Variants in DNAJC10 observed in about 807,000 individuals in gnomAD.
DNAJC10 encodes endoplasmic reticulum disulfide reductase DNAJC10.
Under a neutral mutation model 115.0 loss-of-function variants are expected in DNAJC10, and 101 were observed. That is an observed-to-expected ratio of 0.88 (90% CI 0.75 to 1.04). The LOEUF (loss-of-function observed/expected upper bound fraction) is 1.04. Ranked by LOEUF, DNAJC10 falls within the 50% of genes least tolerant of loss-of-function variation. The probability of loss-of-function intolerance (pLI) is 0.00; values close to 1 mark genes in which losing one functional copy is unlikely to be tolerated. For missense variants in DNAJC10, 981 were observed against 928.8 expected (o/e 1.06, Z -0.73); for synonymous variants, 307 against 301.5 (o/e 1.02, Z -0.19).
intron 6 of DNAJC10, 97 bp downstream of exon 6, chr2:182,728,755 AATT>A: frequency 1.3e-6 from 2 of 1,498,026 alleles, no homozygotes; most frequent in Middle Eastern, 1.8e-4. Flanking sequence ...AATCAAAAAT[AATT>A]ATCAAATACT....
chr2:182,739,903 A>C, intron 11 of DNAJC10: 1 of 986,204 alleles, frequency 1.0e-6, no homozygotes. Context: ...TCTTAAGTGA[A>C]TGTGTAAAAC....
rs1457878816 is a variant in DNAJC10 at position 182,779,779 on chromosome 2, A to AT, written c.*2654dup. On this transcript the variant is annotated 3_prime_UTR_variant, in exon 24 of 24. Coordinates refer to ENST00000264065, the MANE Select transcript of DNAJC10 (RefSeq NM_018981.4). Reference sequence around the variant, plus strand: ...TTTTCTGACAGTGCTCAAAGTGGGAATTTTTTTAGAAGTACGGTTATCAAA... The same window carrying AT: ...TTTTCTGACAGTGCTCAAAGTGGGAATTTTTTTTAGAAGTACGGTTATCAAA... 5 of 152,062 alleles carry AT rather than the reference A, an allele frequency of 3.3e-5. No individual in the cohort carries two copies. The highest frequency in any genetic ancestry group is 9.7e-5 in the African/African-American group (4 of 41,418). The allele number at this position is 152,062 out of a possible 1,614,324, so 9.4% of individuals were successfully genotyped here. A position where few individuals can be genotyped will look rare whatever the true frequency, so the allele number is the denominator to read the frequency against.
At position 182,775,320 on chromosome 2, in the gene DNAJC10, AT is replaced by A. The variant is rs745654617; in HGVS notation, c.2274del (p.Gln759LysfsTer5). ...AACAAGTGTTTTTAATTTTAGAGAA[AT>A]TTTCAAGAAGAGCAGATAAATACCA... ...KFYFYERAKR[N>X]FQEEQINTRD... On this transcript the variant is annotated frameshift_variant, in exon 23 of 24. Transcript: ENST00000264065. LOFTEE classifies it high-confidence loss of function. 21 of 1,598,486 alleles carry A rather than the reference AT, an allele frequency of 1.3e-5. No homozygotes were observed. Among genetic ancestry groups the A allele is most frequent in the Non-Finnish European group, 1.1e-5 (13 of 1,168,294 alleles).
intron 14 of DNAJC10, among the ~76,000 whole-genome samples, chr2:182,751,014 G>T (rs1168253476): frequency 2.6e-5 from 4 of 151,024 alleles, no homozygotes; most frequent in Non-Finnish European, 1.5e-5. Flanking sequence ...TGTAGAAAAT[G>T]ATTTAGGAGT....
intron 11 of DNAJC10, among the ~76,000 whole-genome samples, chr2:182,738,079 C>T (rs2105639344): frequency 6.6e-6 from 1 of 152,230 alleles, no homozygotes; most frequent in South Asian, 2.1e-4. Flanking sequence ...AATATGTATA[C>T]ATTATCCTTG....
At chr2:182,732,569 A>C (rs768334343) in intron 10 of DNAJC10, 27 bp downstream of exon 10, 31 of 1,605,816 alleles carry the variant, frequency 1.9e-5, no homozygotes, top group Non-Finnish European at 1.5e-5. Context: ...TTGTAAAACT[A>C]TATCACCATG....
intron 14 of DNAJC10, 124 bp from the exon 15 acceptor site, chr2:182,751,534 C>A: frequency 1.7e-6 from 2 of 1,158,092 alleles, no homozygotes; most frequent in Non-Finnish European, 1.2e-6. Flanking sequence ...ACACTAAAAC[C>A]TCACCAAAAT....
chr2:182,775,414 G>A lies in DNAJC10; in HGVS notation c.2364G>A (p.Arg788=), dbSNP rs1450564907. The A allele has an allele frequency of 6.2e-7, 1 of 1,609,844 alleles. No individual in the cohort carries two copies. The change falls in exon 23 of 24, where the codon AGG becomes AGA. Residue 788 remains arginine (R), a synonymous_variant. Coordinates refer to ENST00000264065, the MANE Select transcript of DNAJC10 (RefSeq NM_018981.4). The part of the protein sequence containing the change: ...KLETLRNQGK[R]NKDEL Reference sequence around the variant, plus strand: ...AAACTCTCCGAAATCAAGGCAAGAGGAATAAGGTATGGACTAAGCCTAGAG... The same window carrying A: ...AAACTCTCCGAAATCAAGGCAAGAGAAATAAGGTATGGACTAAGCCTAGAG...
rs185586567 is a variant in DNAJC10, at chr2:182,748,300, G to A, written c.1307-3358G>A. On this transcript the variant is annotated intron_variant, in intron 14 of 23. Transcript: ENST00000264065. The stretch of plus-strand genomic sequence containing the variant: ...CTATTGATTGGAATAGTTTCAGAAG[G>A]AATGGTACCACTTCCTCCTTGTACC... Among the ~76,000 whole-genome samples the A allele has an allele frequency of 7.1e-3, 1,075 of 152,268 alleles. 9 individuals are homozygous for A. Among genetic ancestry groups the A allele is most frequent in the African/African-American group, 0.018 (762 of 41,538 alleles).
Position 182,780,847 on chromosome 2 carries a change from C to CTTGA in DNAJC10, c.*3719_*3722dup, listed in dbSNP as rs1034419752. On this transcript the variant is annotated 3_prime_UTR_variant, in exon 24 of 24. Coordinates refer to ENST00000264065, the MANE Select transcript of DNAJC10 (RefSeq NM_018981.4). Reference sequence around the variant, plus strand: ...ACTCCAGAAATGCATCTTTCAACCACTTGATTGCATTAAGTAGTCATTTGA... The same window carrying CTTGA: ...ACTCCAGAAATGCATCTTTCAACCACTTGATTGATTGCATTAAGTAGTCATTTGA... 1 of 152,152 alleles carries CTTGA rather than the reference C, an allele frequency of 6.6e-6. No individual in the cohort carries two copies. The highest frequency in any genetic ancestry group is 2.4e-5 in the African/African-American group (1 of 41,448). The allele number at this position is 152,152 out of a possible 1,614,324, so 9.4% of individuals were successfully genotyped here.
chr2:182,725,791 A>T (rs906409891), intron 5 of DNAJC10, among the ~76,000 whole-genome samples: 1 of 152,232 alleles, frequency 6.6e-6, no homozygotes, highest in Non-Finnish European at 1.5e-5. Flanking sequence ...TCTAGCTAAG[A>T]TCATTGATGA....
Position 182,757,792 on chromosome 2 carries a change from T to C in DNAJC10, c.1910T>C (p.Phe637Ser). Residue 637 changes from phenylalanine to serine, a missense_variant, in exon 19 of 24, where the codon TTT (phenylalanine) becomes TCT (serine). Physicochemically the swap from Phe to Ser is radical, Grantham distance 155. Coordinates refer to ENST00000264065, the MANE Select transcript of DNAJC10 (RefSeq NM_018981.4). ...NVQRYPEIRF[F>S]PPKSNKAYHY... is the part of the protein sequence containing the mutation. Reference sequence around the variant, plus strand: ...CAAAGATACCCTGAGATAAGATTTTTTCCCCCAAAATCAAATAAAGCTTAT... The same window carrying C: ...CAAAGATACCCTGAGATAAGATTTTCTCCCCCAAAATCAAATAAAGCTTAT... The C allele has an allele frequency of 6.4e-7, 1 of 1,553,822 alleles. No homozygotes were observed. The highest frequency in any genetic ancestry group is 8.8e-7 in the Non-Finnish European group (1 of 1,130,248).
chr2:182,757,166 A>G (rs1694177924), intron 18 of DNAJC10, among the ~76,000 whole-genome samples: 1 of 152,200 alleles, frequency 6.6e-6, no homozygotes, highest in Non-Finnish European at 1.5e-5. Context: ...ATTGGAAACA[A>G]ATCACTTAAA....
chr2:182,764,615 T>C (rs1032582989), intron 22 of DNAJC10, among the ~76,000 whole-genome samples: 2 of 152,124 alleles, frequency 1.3e-5, no homozygotes, highest in Non-Finnish European at 2.9e-5. Flanking sequence ...ACTTTAATAC[T>C]ATAAAAGGAT....
intron 14 of DNAJC10, among the ~76,000 whole-genome samples, chr2:182,745,481 T>C (rs1008017045): frequency 2.2e-4 from 34 of 152,340 alleles, no homozygotes; most frequent in African/African-American, 7.9e-4. Flanking sequence ...AAATATATTA[T>C]GAATCTCCAA....
chr2:182,764,784 A>C (rs2105692905), intron 22 of DNAJC10, among the ~76,000 whole-genome samples: 1 of 152,294 alleles, frequency 6.6e-6, no homozygotes. Context: ...ATTCAAAAAA[A>C]GGAAGTCCTA....
rs1433292822 is a variant in DNAJC10, at chr2:182,785,028, CTA to C, written c.*7898_*7899del. ...TGAATTATCAGTCAGTTATGTTTGA[CTA>C]TGAGAAATTGCAGAAAAGTTAAAAG... On this transcript the variant is annotated 3_prime_UTR_variant, in exon 24 of 24. Transcript: ENST00000264065. The C allele has an allele frequency of 6.6e-6, 1 of 152,168 alleles. No individual in the cohort carries two copies. Among genetic ancestry groups the C allele is most frequent in the African/African-American group, 2.4e-5 (1 of 41,436 alleles). 9.4% of individuals were successfully genotyped at this position (152,168 alleles called of 1,614,324 possible).
chr2:182,720,966 G>T (rs532748627), intron 4 of DNAJC10, among the ~76,000 whole-genome samples: 8 of 152,074 alleles, frequency 5.3e-5, no homozygotes, highest in Non-Finnish European at 7.4e-5. Flanking sequence ...ATCAATAAAG[G>T]TTCCATATGA....
intron 13 of DNAJC10, among the ~76,000 whole-genome samples, chr2:182,741,610 G>A (rs1446076550): frequency 1.3e-5 from 2 of 152,002 alleles, no homozygotes; most frequent in Non-Finnish European, 2.9e-5. Flanking sequence ...AATGCATACT[G>A]TAGGAGGTTA....
Sources: gnomAD v4.1 joint callset for allele counts (sites outside exome capture counted in the v4.1 genomes callset) on GRCh38, gnomAD v4.1.1 for gene constraint, MANE v1.5 for transcripts, NCBI Gene and HGNC (gene_info 2026-07-23, HGNC 2026-07-21) for gene names.